The following ITSN1 variants were observed in gnomAD, a reference collection of about 807,000 sequenced individuals.
The protein encoded by ITSN1 is intersectin-1.
In ITSN1, 58 loss-of-function variants were observed where a neutral mutation model predicts 239.8. The observed-to-expected ratio is 0.24, with a 90% CI of 0.20 to 0.30. The LOEUF is 0.30. ITSN1 is among the 10% of genes least tolerant of loss of function. The probability of loss-of-function intolerance (pLI) is 1.00; values close to 1 mark genes in which losing one functional copy is unlikely to be tolerated. For missense variants in ITSN1, 1,558 were observed against 2,103.3 expected (o/e 0.74, Z 5.07); for synonymous variants, 780 against 770.8 (o/e 1.01, Z -0.20).
At chr21:33,853,980 T>C (rs79133920) in intron 29 of ITSN1, among the ~76,000 whole-genome samples, 1,628 of 152,054 alleles carry the variant, frequency 0.011, 41 homozygotes, top group African/African-American at 0.037. Context: ...AGGGCAGGAG[T>C]CTCTCCTCTT....
chr21:33,699,792 A>G (rs544031675), intron 1 of ITSN1, among the ~76,000 whole-genome samples: 131 of 152,302 alleles, frequency 8.6e-4, no homozygotes, highest in African/African-American at 2.9e-3. Flanking sequence ...ACAGTGTCTG[A>G]CTGCCGCCCA....
chr21:33,878,008 TTG>T (rs71194867), intron 34 of ITSN1, among the ~76,000 whole-genome samples: 1,750 of 140,272 alleles, frequency 0.012, 16 homozygotes, highest in African/African-American at 0.025. Context: ...CTCTCTCTCT[TTG>T]TGTGTGTGTG....
rs1800555795 is a variant in ITSN1 at position 33,739,461 on chromosome 21, C to G, written c.346+4257C>G. Among the ~76,000 whole-genome samples, 4 of 152,132 alleles carry G rather than the reference C, an allele frequency of 2.6e-5. No individual in the cohort carries two copies. The South Asian group carries it at 8.3e-4, about 32-fold the overall frequency. Reference sequence around the variant, plus strand: ...TCCTAGTTGCTGGGAACATGCTGGCCAGCAAGACCTCATGGCTTCTACCAC... The same window carrying G: ...TCCTAGTTGCTGGGAACATGCTGGCGAGCAAGACCTCATGGCTTCTACCAC... On this transcript the variant is annotated intron_variant, in intron 5 of 39. Coordinates refer to ENST00000381318, the MANE Select transcript of ITSN1 (RefSeq NM_003024.3).
intron 22 of ITSN1, 180 bp downstream of exon 22, chr21:33,814,252 G>A (rs1442188335): frequency 3.7e-6 from 2 of 546,108 alleles, no homozygotes; most frequent in Non-Finnish European, 6.4e-6. Flanking sequence ...GGGAGTTGGG[G>A]GTGGGGGTGG....
intron 1 of ITSN1, among the ~76,000 whole-genome samples, chr21:33,653,799 G>A (rs1209726878): frequency 6.6e-6 from 1 of 152,142 alleles, no homozygotes; most frequent in Non-Finnish European, 1.5e-5. Context: ...TGGAATTACA[G>A]GCGTGAGCCA....
chr21:33,895,686 CAT>C lies in ITSN1; in HGVS notation c.*7389_*7390del, dbSNP rs906430345. On this transcript the variant is annotated 3_prime_UTR_variant, in exon 40 of 40. Coordinates refer to ENST00000381318, the MANE Select transcript of ITSN1 (RefSeq NM_003024.3). ...GCATGTGCATGTTTGTGTGTGCGTG[CAT>C]ATGTGTATGTGTGTGCGCGTGCGTG... 4 of 148,958 alleles carry C rather than the reference CAT, an allele frequency of 2.7e-5. No individual in the cohort carries two copies. The highest frequency in any genetic ancestry group is 1.0e-4 in the African/African-American group (4 of 40,108). The allele number at this position is 148,958 out of a possible 1,614,324, so 9.2% of individuals were successfully genotyped here. A position where few individuals can be genotyped will look rare whatever the true frequency, so the allele number is the denominator to read the frequency against.
In ITSN1 at chr21:33,889,180, T is replaced by A. The variant is rs1427217849; in HGVS notation, c.*880T>A. 1 of 152,192 alleles carries A rather than the reference T, an allele frequency of 6.6e-6. No individual in the cohort carries two copies. The highest frequency in any genetic ancestry group is 2.4e-5 in the African/African-American group (1 of 41,432). The allele number at this position is 152,192 out of a possible 1,614,324, so 9.4% of individuals were successfully genotyped here. ...TGGCTCGGAGGCCTGTGATATTTCA[T>A]AGCAGCAGTCGTTGCTGGTGACCTG... On this transcript the variant is annotated 3_prime_UTR_variant, in exon 40 of 40. Coordinates refer to ENST00000381318, the MANE Select transcript of ITSN1 (RefSeq NM_003024.3).
intron 29 of ITSN1, among the ~76,000 whole-genome samples, chr21:33,855,162 T>C (rs1042044640): frequency 6.6e-6 from 1 of 152,140 alleles, no homozygotes; most frequent in Non-Finnish European, 1.5e-5. Flanking sequence ...TGAGAGAAGA[T>C]GGAAACTCGA....
At chr21:33,739,187 A>C (rs1243673391) in intron 5 of ITSN1, among the ~76,000 whole-genome samples, 2 of 152,184 alleles carry the variant, frequency 1.3e-5, no homozygotes, top group African/African-American at 2.4e-5. Context: ...CCTACAGAGA[A>C]GAGAGAAAAA....
chr21:33,761,996 G>A lies in ITSN1; in HGVS notation c.788+10G>A. ...AGCTGGCTTCAATATGGTAAGGAAT[G>A]AAAAGTTCTTTGGTTTGGATAAAGT... is the stretch of plus-strand genomic sequence containing the variant. On this transcript the variant is annotated intron_variant, in intron 9 of 39. Transcript: ENST00000381318. 6.2e-7 allele frequency: 1 copy of A among 1,604,172 alleles called. No individual in the cohort carries two copies. Among genetic ancestry groups the A allele is most frequent in the Admixed American group, 1.7e-5 (1 of 60,026 alleles).
chr21:33,813,822 G>A (rs77526833), intron 21 of ITSN1, 91 bp from the exon 22 acceptor site: 6 of 973,668 alleles, frequency 6.2e-6, no homozygotes, highest in Non-Finnish European at 8.9e-6. Context: ...GGGAGTGCTT[G>A]CTTTTTTTTT....
chr21:33,844,168 C>T (rs567132145), intron 29 of ITSN1, among the ~76,000 whole-genome samples: 2 of 152,310 alleles, frequency 1.3e-5, no homozygotes, highest in African/African-American at 4.8e-5. Context: ...AGGAGGCCCA[C>T]CGGTGGAAGC....
Position 33,848,992 on chromosome 21 carries a change from G to A in ITSN1, c.3662-7744G>A, listed in dbSNP as rs184714004. 4.6e-5 allele frequency among the ~76,000 whole-genome samples: 7 copies of A among 152,312 alleles called. No homozygotes were observed. In the East Asian group the frequency reaches 1.3e-3, roughly 29 times the overall value. ...GTGGTGGCTCACGCCTGTAATCCCA[G>A]CACTTTGGGAGGCCGAGGCGGGCGG... On this transcript the variant is annotated intron_variant, in intron 29 of 39. Transcript: ENST00000381318.
intron 4 of ITSN1, among the ~76,000 whole-genome samples, chr21:33,733,151 C>T (rs1226384607): frequency 6.6e-6 from 1 of 152,144 alleles, no homozygotes; most frequent in East Asian, 1.9e-4. Flanking sequence ...TCCCGGATCA[C>T]AATATACCAG....
chr21:33,686,961 A>G (rs552875652), intron 1 of ITSN1, among the ~76,000 whole-genome samples: 23 of 152,152 alleles, frequency 1.5e-4, no homozygotes, highest in Non-Finnish European at 3.4e-4. Context: ...TTTCAACACA[A>G]TTTGGACATG....
chr21:33,813,896 T>C lies in ITSN1; in HGVS notation c.2568-17T>C. ...AGGGAGTGCTTGTTATTCATGGTGT[T>C]GTGCTTTTCCCTCCAGGTGGCCCAC... On this transcript the variant is annotated splice_polypyrimidine_tract_variant and intron_variant, in intron 21 of 39. Transcript: ENST00000381318. The C allele has an allele frequency of 6.2e-7, 1 of 1,612,924 alleles. No homozygotes were observed. Among genetic ancestry groups the C allele is most frequent in the Non-Finnish European group, 8.5e-7 (1 of 1,179,320 alleles).
chr21:33,834,373 A>G lies in ITSN1; in HGVS notation c.3418A>G (p.Thr1140Ala). The change falls in exon 28 of 40, where the codon ACG (threonine) becomes GCG (alanine). Residue 1140 changes from threonine to alanine, a missense_variant. Around this residue, in one of 2 missense-constraint regions of ITSN1, gnomAD observed 576 missense variants for 893.3 expected, o/e 0.64. Coordinates refer to ENST00000381318, the MANE Select transcript of ITSN1 (RefSeq NM_003024.3). ...ANYVKLLSPG[T>A]SKITPTEPPK... ...TTATGTAAAGCTTCTAAGCCCTGGG[A>G]CGAGCAAAATCACTCCAACAGAGCC... is the stretch of plus-strand genomic sequence containing the variant. The G allele has an allele frequency of 6.2e-7, 1 of 1,614,050 alleles. No individual in the cohort carries two copies. The highest frequency in any genetic ancestry group is 1.6e-4 in the Middle Eastern group (1 of 6,062).
intron 1 of ITSN1, among the ~76,000 whole-genome samples, chr21:33,715,855 T>C (rs2065103888): frequency 1.3e-5 from 2 of 151,920 alleles, no homozygotes; most frequent in South Asian, 4.2e-4. Context: ...GAGGTGGAGG[T>C]TGCAGTGAGC....
chr21:33,762,501 A>G (rs1369998136), intron 9 of ITSN1, among the ~76,000 whole-genome samples: 1 of 151,652 alleles, frequency 6.6e-6, no homozygotes, highest in Non-Finnish European at 1.5e-5. Context: ...CCAACCTCAG[A>G]TGATCCACCC....
Sources: allele counts gnomAD v4.1 joint callset (sites outside exome capture counted in the v4.1 genomes callset), GRCh38; gene constraint gnomAD v4.1.1; regional missense constraint gnomAD v4.1.1; transcripts MANE v1.5; gene names NCBI Gene and HGNC (gene_info 2026-07-23, HGNC 2026-07-21).